GRIN2A: variants seen among roughly 807,000 people sequenced by gnomAD.
GRIN2A encodes the protein glutamate ionotropic receptor NMDA type subunit 2A.
A neutral mutation model predicts 113.4 loss-of-function variants in GRIN2A; 22 were observed. The observed-to-expected ratio is 0.19, with a 90% confidence interval of 0.14 to 0.28. GRIN2A has a LOEUF of 0.28. Among genes scored for constraint, GRIN2A ranks in the 10% least tolerant of loss-of-function variants. GRIN2A has a pLI of 1.00. For missense variants in GRIN2A, 1,502 were observed against 1,887.0 expected, an observed-to-expected ratio of 0.80 and a Z score of 3.78; for synonymous variants, 827 against 738.4, an observed-to-expected ratio of 1.12 and a Z score of -1.94.
At chr16:10,118,310 C>T (rs1024711727) in intron 2 of GRIN2A, among the ~76,000 whole-genome samples, 2 of 152,144 alleles carry the variant, frequency 1.3e-5, no homozygotes, top group African/African-American at 4.8e-5. Flanking sequence ...AGACTCCTGT[C>T]ACTTATATCT....
At chr16:9,788,928 G>C (rs1296158344) in intron 11 of GRIN2A, among the ~76,000 whole-genome samples, 1 of 151,914 alleles carries the variant, frequency 6.6e-6, no homozygotes, top group Non-Finnish European at 1.5e-5. Flanking sequence ...TTTTTTAGTA[G>C]AGAAGGGGTT....
chr16:10,170,381 A>C (rs1283040382), intron 2 of GRIN2A, among the ~76,000 whole-genome samples: 1 of 152,240 alleles, frequency 6.6e-6, no homozygotes, highest in Non-Finnish European at 1.5e-5. Flanking sequence ...CTTGTAAGGT[A>C]AATAGGTTCT....
At chr16:9,819,866 G>A (rs1346179346) in intron 10 of GRIN2A, among the ~76,000 whole-genome samples, 1 of 147,762 alleles carries the variant, frequency 6.8e-6, no homozygotes, top group Non-Finnish European at 1.5e-5. Context: ...GGTTGCAGCG[G>A]GGAGAGACTG....
At chr16:9,944,213 T>G (rs2044961144) in intron 2 of GRIN2A, among the ~76,000 whole-genome samples, 1 of 152,216 alleles carries the variant, frequency 6.6e-6, no homozygotes, top group East Asian at 1.9e-4. Flanking sequence ...TTGTGAGCCC[T>G]GGTAAGCCCT....
intron 5 of GRIN2A, among the ~76,000 whole-genome samples, chr16:9,847,551 C>G (rs1048106656): frequency 4.0e-5 from 6 of 151,366 alleles, no homozygotes; most frequent in African/African-American, 1.5e-4. Context: ...GGGGACAGAG[C>G]AAGACCCTGT....
chr16:9,921,301 G>A (rs2044354307), intron 3 of GRIN2A, among the ~76,000 whole-genome samples: 1 of 152,272 alleles, frequency 6.6e-6, no homozygotes, highest in Non-Finnish European at 1.5e-5. Context: ...ACAAGCAAAT[G>A]TCTCCTACCC....
At chr16:10,097,721 T>C (rs2048320252) in intron 2 of GRIN2A, among the ~76,000 whole-genome samples, 1 of 152,166 alleles carries the variant, frequency 6.6e-6, no homozygotes, top group Non-Finnish European at 1.5e-5. Flanking sequence ...ACTTTCTTTC[T>C]TAAGACCCTT....
intron 2 of GRIN2A, among the ~76,000 whole-genome samples, chr16:10,007,842 A>G (rs193021704): frequency 8.5e-5 from 13 of 152,298 alleles, no homozygotes; most frequent in African/African-American, 2.9e-4. Context: ...AGACACTGAC[A>G]TGGGCAGATA....
intron 2 of GRIN2A, among the ~76,000 whole-genome samples, chr16:10,093,063 C>G (rs1357125886): frequency 6.6e-6 from 1 of 152,014 alleles, no homozygotes; most frequent in African/African-American, 2.4e-5. Flanking sequence ...TGGCCTCAAA[C>G]TCCTGGCTCA....
chr16:9,957,415 G>A (rs1340898605), intron 2 of GRIN2A, among the ~76,000 whole-genome samples: 3 of 152,280 alleles, frequency 2.0e-5, no homozygotes, highest in East Asian at 1.9e-4. Context: ...TCACTTCTGC[G>A]AGCACTCTTC....
At chr16:9,989,296 C>A (rs115303316) in intron 2 of GRIN2A, among the ~76,000 whole-genome samples, 2,070 of 152,206 alleles carry the variant, frequency 0.014, 51 homozygotes, top group African/African-American at 0.047. Flanking sequence ...GAGGAAAGAA[C>A]CCCCATCCAA....
chr16:10,069,142 G>C (rs935465031), intron 2 of GRIN2A, among the ~76,000 whole-genome samples: 1 of 152,150 alleles, frequency 6.6e-6, no homozygotes, highest in East Asian at 1.9e-4. Context: ...GGCTGCAAAG[G>C]AAAGGATGAA....
intron 2 of GRIN2A, among the ~76,000 whole-genome samples, chr16:10,153,901 G>A (rs192163533): frequency 1.4e-3 from 211 of 152,206 alleles, no homozygotes; most frequent in African/African-American, 4.7e-3. Context: ...GAGGGGCATC[G>A]GGGTCTTCGC....
intron 2 of GRIN2A, among the ~76,000 whole-genome samples, chr16:10,126,672 T>C (rs2048944069): frequency 6.6e-6 from 1 of 152,152 alleles, no homozygotes; most frequent in South Asian, 2.1e-4. Flanking sequence ...ATCACCAACG[T>C]TTTTCCCTAC....
At chr16:9,955,468 T>A (rs758485756) in intron 2 of GRIN2A, among the ~76,000 whole-genome samples, 11 of 152,248 alleles carry the variant, frequency 7.2e-5, no homozygotes, top group Non-Finnish European at 1.5e-4. Flanking sequence ...CTCTTTCTTG[T>A]ATTAGGTTAG....
intron 4 of GRIN2A, among the ~76,000 whole-genome samples, chr16:9,878,488 T>C (rs189985915): frequency 5.3e-4 from 80 of 152,254 alleles, no homozygotes; most frequent in East Asian, 1.4e-3. Flanking sequence ...ATGCAGAGAA[T>C]GTTGGGAGAC....
chr16:10,018,846 T>A (rs577818510), intron 2 of GRIN2A, among the ~76,000 whole-genome samples: 1 of 152,294 alleles, frequency 6.6e-6, no homozygotes, highest in Non-Finnish European at 1.5e-5. Context: ...ATCCTCATTG[T>A]CATAAGCAAG....
intron 4 of GRIN2A, among the ~76,000 whole-genome samples, chr16:9,852,998 CAT>C (rs1049554683): frequency 3.9e-5 from 6 of 152,142 alleles, no homozygotes; most frequent in African/African-American, 1.4e-4. Flanking sequence ...TACACAAAAA[CAT>C]ATGTTCATAC....
chr16:9,955,253 C>T (rs891335119), intron 2 of GRIN2A, among the ~76,000 whole-genome samples: 1 of 152,202 alleles, frequency 6.6e-6, no homozygotes, highest in Non-Finnish European at 1.5e-5. Flanking sequence ...GCCTCCCCAC[C>T]TTGCTTTCTC....
Sources: allele counts gnomAD v4.1 joint callset (sites outside exome capture counted in the v4.1 genomes callset), GRCh38; gene constraint gnomAD v4.1.1; transcripts MANE v1.5; gene names NCBI Gene and HGNC (gene_info 2026-07-23, HGNC 2026-07-21).